Variants in HECW2 observed in about 807,000 individuals in gnomAD.
HECW2 encodes E3 ubiquitin-protein ligase HECW2.
HECW2 carries 61 observed loss-of-function variants against 175.2 expected under a neutral mutation model. The observed-to-expected ratio is 0.35, with a 90% CI of 0.28 to 0.43. The LOEUF is 0.43. Ranked by LOEUF, HECW2 falls within the 20% of genes least tolerant of loss-of-function variation. HECW2 has a pLI of 1.00. For synonymous variants in HECW2, 671 were observed against 731.0 expected (o/e 0.92, Z 1.32); for missense variants, 1,524 against 2,000.5 (o/e 0.76, Z 4.54).
rs556758221 is a variant in HECW2 at position 196,384,722 on chromosome 2, A to T, written c.293-40958T>A. On this transcript the variant is annotated intron_variant, in intron 2 of 28. Coordinates refer to ENST00000644978, the MANE Select transcript of HECW2 (RefSeq NM_001348768.2). ...GTATTTTTTACATTCATTCATTATG[A>T]CATCCTGAATTAAGGTTACAAAAAA... is the stretch of plus-strand genomic sequence containing the variant. 2.0e-5 allele frequency among the ~76,000 whole-genome samples: 3 copies of T among 152,332 alleles called. No individual in the cohort carries two copies. The East Asian group carries it at 5.8e-4, about 29-fold the overall frequency.
At chr2:196,316,920 G>C (rs1456698097) in intron 10 of HECW2, 1 of 209,012 alleles carries the variant, frequency 4.8e-6, no homozygotes, top group Non-Finnish European at 9.9e-6. Context: ...GTTTTTCTAA[G>C]AGAGTGTACC....
chr2:196,535,038 T>C (rs1688971044), intron 1 of HECW2, among the ~76,000 whole-genome samples: 3 of 147,394 alleles, frequency 2.0e-5, no homozygotes, highest in Admixed American at 6.7e-5. Context: ...AGAAAACAAA[T>C]TGTCAATATA....
At chr2:196,329,970 C>T (rs1401692772) in intron 4 of HECW2, among the ~76,000 whole-genome samples, 2 of 152,048 alleles carry the variant, frequency 1.3e-5, no homozygotes, top group East Asian at 1.9e-4. Context: ...CTATATTAAA[C>T]ATTCTCTTTA....
intron 1 of HECW2, among the ~76,000 whole-genome samples, chr2:196,442,360 C>T (rs1175521460): frequency 6.6e-6 from 1 of 152,128 alleles, no homozygotes; most frequent in Admixed American, 6.5e-5. Flanking sequence ...CAGTGAGAAA[C>T]AACACTCATA....
chr2:196,520,988 G>A (rs371727198), intron 1 of HECW2, among the ~76,000 whole-genome samples: 18 of 152,106 alleles, frequency 1.2e-4, no homozygotes, highest in African/African-American at 3.9e-4. Flanking sequence ...GCCAGGGAAC[G>A]AGCCCTACAA....
intron 1 of HECW2, among the ~76,000 whole-genome samples, chr2:196,470,562 T>G (rs892103530): frequency 6.6e-6 from 1 of 152,230 alleles, no homozygotes; most frequent in African/African-American, 2.4e-5. Flanking sequence ...CAATGATTCT[T>G]GGTTGCCCAT....
intron 13 of HECW2, among the ~76,000 whole-genome samples, chr2:196,304,968 CT>C (rs1691204660): frequency 6.6e-6 from 1 of 152,198 alleles, no homozygotes; most frequent in Non-Finnish European, 1.5e-5. Context: ...TAGAGTACTC[CT>C]GCCCATCTTG....
intron 1 of HECW2, among the ~76,000 whole-genome samples, chr2:196,589,626 C>T (rs1691112263): frequency 6.6e-6 from 1 of 152,174 alleles, no homozygotes; most frequent in African/African-American, 2.4e-5. Context: ...AGCTTGGAAA[C>T]TAAGAGAATG....
At chr2:196,303,319 T>C (rs188544950) in intron 13 of HECW2, among the ~76,000 whole-genome samples, 18 of 152,348 alleles carry the variant, frequency 1.2e-4, no homozygotes, top group Admixed American at 1.1e-3. Flanking sequence ...CAGTATTTTA[T>C]TGAGAATTTT....
At chr2:196,290,047 T>C (rs62184608) in intron 14 of HECW2, 39,044 of 152,114 alleles carry the variant, frequency 0.26, 5,908 homozygotes, top group African/African-American at 0.41. Context: ...GGTCTGCCTG[T>C]TAATCTGTCT....
chr2:196,319,374 T>G lies in HECW2; in HGVS notation c.1516A>C (p.Thr506Pro). 2 of 1,614,200 alleles carry G rather than the reference T, an allele frequency of 1.2e-6. No individual in the cohort carries two copies. The highest frequency in any genetic ancestry group is 1.7e-6 in the Non-Finnish European group (2 of 1,180,026). Reference protein sequence around the residue: ...RADDGSLTSQTKLEDNPVENE... With the variant: ...RADDGSLTSQPKLEDNPVENE... Reference sequence around the variant, plus strand: ...TCAACAGGGTTGTCCTCCAGCTTTGTCTGAGATGTCAGGCTTCCATCATCA... The same window carrying G: ...TCAACAGGGTTGTCCTCCAGCTTTGGCTGAGATGTCAGGCTTCCATCATCA... The change falls in exon 9 of 29, where the codon ACA (threonine) becomes CCA (proline). Residue 506 changes from threonine (T) to proline (P), a missense_variant. Thr to Pro is a conservative substitution (Grantham distance 38). Transcript: ENST00000644978.
At chr2:196,314,035 A>G (rs945962673) in intron 10 of HECW2, among the ~76,000 whole-genome samples, 2 of 152,196 alleles carry the variant, frequency 1.3e-5, no homozygotes, top group African/African-American at 4.8e-5. Context: ...GGTGGCCATC[A>G]AAGCTCAAAC....
At chr2:196,228,964 C>G (rs1013874357) in intron 21 of HECW2, among the ~76,000 whole-genome samples, 4 of 152,140 alleles carry the variant, frequency 2.6e-5, no homozygotes, top group African/African-American at 9.7e-5. Context: ...ACAAAGATGT[C>G]AGGGTCAAAC....
In HECW2 at chr2:196,225,765, T is replaced by C; in HGVS notation, c.4016+7A>G. The C allele has an allele frequency of 6.5e-7, 1 of 1,549,242 alleles. No individual in the cohort carries two copies. The highest frequency in any genetic ancestry group is 1.1e-5 in the South Asian group (1 of 89,522). On this transcript the variant is annotated splice_region_variant and intron_variant, in intron 23 of 28. Transcript: ENST00000644978. ...GCTAATTATGCAGGCAATAAAAATA[T>C]TCTTACATTCTGAGAAGAGCCTTAT...
At chr2:196,262,892 A>G (rs894272173) in intron 17 of HECW2, among the ~76,000 whole-genome samples, 1 of 152,190 alleles carries the variant, frequency 6.6e-6, no homozygotes, top group Non-Finnish European at 1.5e-5. Flanking sequence ...CCCAAGTACA[A>G]AACACTTTTC....
In HECW2 at chr2:196,303,857, T is replaced by C. The variant is rs570221189; in HGVS notation, c.2814+2631A>G. On this transcript the variant is annotated intron_variant, in intron 13 of 28. Transcript: ENST00000644978. The stretch of plus-strand genomic sequence containing the variant: ...CTTCTTGAAGCCCTTTTTTCTCCTA[T>C]CCCATATTCCAATCTATTAGCAAGA... 1.0e-3 allele frequency among the ~76,000 whole-genome samples: 154 copies of C among 152,256 alleles called. 2 individuals are homozygous for C. In the Middle Eastern group the frequency reaches 0.014, roughly 13 times the overall value.
chr2:196,245,746 T>C (rs1244636995), intron 19 of HECW2, among the ~76,000 whole-genome samples: 2 of 152,206 alleles, frequency 1.3e-5, no homozygotes, highest in Non-Finnish European at 2.9e-5. Flanking sequence ...TCTGTTTGTA[T>C]AGCTGGGCAA....
At chr2:196,383,871 T>C (rs910891811) in intron 2 of HECW2, among the ~76,000 whole-genome samples, 2 of 152,342 alleles carry the variant, frequency 1.3e-5, no homozygotes, top group Non-Finnish European at 2.9e-5. Context: ...CGGCAAAAGG[T>C]TAAACAGTTC....
At chr2:196,458,815 G>A (rs1045301244) in intron 1 of HECW2, among the ~76,000 whole-genome samples, 86 of 152,160 alleles carry the variant, frequency 5.7e-4, no homozygotes, top group African/African-American at 2.1e-3. Context: ...GCAGTGAGCC[G>A]AGATTGCACT....
Sources: allele counts gnomAD v4.1 joint callset (sites outside exome capture counted in the v4.1 genomes callset), GRCh38; gene constraint gnomAD v4.1.1; transcripts MANE v1.5; gene names NCBI Gene and HGNC (gene_info 2026-07-23, HGNC 2026-07-21).